EXOC4: variants seen among roughly 807,000 people sequenced by gnomAD.
EXOC4 encodes the protein exocyst complex component 4.
In EXOC4, 71 loss-of-function variants were observed where a neutral mutation model predicts 107.2. The ratio of observed to expected loss-of-function variants is 0.66; its 90% confidence interval spans 0.55 to 0.81. The LOEUF (loss-of-function observed/expected upper bound fraction) is 0.81, where lower values mean the gene tolerates loss of function less well. Among genes scored for constraint, EXOC4 ranks in the 30% least tolerant of loss-of-function variants. The pLI, the probability that EXOC4 is intolerant of heterozygous loss-of-function variation, is 0.00. For missense variants in EXOC4, 1,108 were observed against 1,189.6 expected (o/e 0.93, Z 1.01); for synonymous variants, 456 against 441.2 (o/e 1.03, Z -0.42).
chr7:133,493,728 A>G (rs1236142993), intron 9 of EXOC4, among the ~76,000 whole-genome samples: 1 of 152,068 alleles, frequency 6.6e-6, no homozygotes, highest in Non-Finnish European at 1.5e-5. Context: ...TTTACCTCAG[A>G]GATTGTCCCA....
chr7:133,861,676 G>C (rs1798536630), intron 11 of EXOC4, among the ~76,000 whole-genome samples: 1 of 152,122 alleles, frequency 6.6e-6, no homozygotes, highest in African/African-American at 2.4e-5. Flanking sequence ...TGGGGTTACA[G>C]GAGCCCGCCA....
intron 7 of EXOC4, among the ~76,000 whole-genome samples, chr7:133,380,573 A>G (rs1289608868): frequency 6.6e-6 from 1 of 152,100 alleles, no homozygotes; most frequent in Non-Finnish European, 1.5e-5. Flanking sequence ...CTTTTTGGAA[A>G]TGACTTATTT....
chr7:133,721,318 C>G (rs1385102333), intron 10 of EXOC4, among the ~76,000 whole-genome samples: 1 of 152,116 alleles, frequency 6.6e-6, no homozygotes, highest in Admixed American at 6.5e-5. Flanking sequence ...TTGAGTGTTA[C>G]CTGTTTGAGA....
At chr7:134,013,859 G>T (rs1204822899) in intron 17 of EXOC4, among the ~76,000 whole-genome samples, 2 of 152,090 alleles carry the variant, frequency 1.3e-5, no homozygotes, top group Non-Finnish European at 2.9e-5. Flanking sequence ...CAGCAGGATT[G>T]CTGTAACAAT....
At chr7:133,618,174 C>T (rs908600537) in intron 9 of EXOC4, among the ~76,000 whole-genome samples, 1 of 151,898 alleles carries the variant, frequency 6.6e-6, no homozygotes, top group Non-Finnish European at 1.5e-5. Flanking sequence ...ATACCTTTTT[C>T]TTGCTTTATT....
At chr7:133,778,194 GCTTAT>G (rs1374313592) in intron 10 of EXOC4, among the ~76,000 whole-genome samples, 1 of 152,134 alleles carries the variant, frequency 6.6e-6, no homozygotes, top group Non-Finnish European at 1.5e-5. Context: ...ATCTCTTGAT[GCTTAT>G]CTTAGGGGGG....
Position 133,983,430 on chromosome 7 carries a change from A to G in EXOC4, c.2207-14062A>G, listed in dbSNP as rs75840074. 6.3e-3 allele frequency among the ~76,000 whole-genome samples: 962 copies of G among 152,224 alleles called. 7 individuals are homozygous for G. Among genetic ancestry groups the G allele is most frequent in the South Asian group, 0.022 (108 of 4,820 alleles). ...CTGGAAAAAGTTAAGTTGAAGAGGA[A>G]CTCCATATGGGACTTCCAATTCAAC... On this transcript the variant is annotated intron_variant, in intron 14 of 17. Coordinates refer to ENST00000253861, the MANE Select transcript of EXOC4 (RefSeq NM_021807.4).
intron 7 of EXOC4, among the ~76,000 whole-genome samples, chr7:133,469,499 C>T (rs1011820823): frequency 6.6e-6 from 1 of 152,082 alleles, no homozygotes; most frequent in African/African-American, 2.4e-5. Context: ...TTTGTGCAAA[C>T]CACTACTCCT....
At chr7:133,474,639 G>A (rs957270794) in intron 7 of EXOC4, among the ~76,000 whole-genome samples, 2 of 152,050 alleles carry the variant, frequency 1.3e-5, no homozygotes, top group African/African-American at 2.4e-5. Flanking sequence ...AAAAGCAGCT[G>A]CTTTTCTTGT....
At chr7:133,281,668 C>G (rs1056912393) in intron 2 of EXOC4, among the ~76,000 whole-genome samples, 4 of 149,416 alleles carry the variant, frequency 2.7e-5, no homozygotes, top group Non-Finnish European at 5.9e-5. Flanking sequence ...CCTTCTTTAT[C>G]TTTTCCTTGA....
chr7:133,574,659 G>T (rs1801090667), intron 9 of EXOC4, among the ~76,000 whole-genome samples: 1 of 152,114 alleles, frequency 6.6e-6, no homozygotes, highest in Admixed American at 6.5e-5. Context: ...GAAGCTCGTG[G>T]TCAGCATGAC....
chr7:133,698,550 C>A (rs1251355721), intron 10 of EXOC4, among the ~76,000 whole-genome samples: 7 of 143,416 alleles, frequency 4.9e-5, no homozygotes, highest in Non-Finnish European at 1.5e-5. Context: ...CCACGGCACT[C>A]CAGCACAGAC....
At chr7:133,990,809 T>C (rs1794237823) in intron 14 of EXOC4, among the ~76,000 whole-genome samples, 1 of 152,120 alleles carries the variant, frequency 6.6e-6, no homozygotes, top group Admixed American at 6.6e-5. Context: ...TCTACCACAT[T>C]TTCTTCCACC....
intron 10 of EXOC4, among the ~76,000 whole-genome samples, chr7:133,761,948 A>G (rs1796041314): frequency 6.6e-6 from 1 of 152,182 alleles, no homozygotes; most frequent in African/African-American, 2.4e-5. Flanking sequence ...AGAAATGAGA[A>G]GATGGCACGT....
intron 10 of EXOC4, among the ~76,000 whole-genome samples, chr7:133,695,698 G>GATA (rs1794518597): frequency 6.6e-6 from 1 of 152,126 alleles, no homozygotes; most frequent in African/African-American, 2.4e-5. Flanking sequence ...AGTCTGTATT[G>GATA]ATAATTGTTG....
At chr7:133,379,738 C>T (rs1486327437) in intron 7 of EXOC4, among the ~76,000 whole-genome samples, 1 of 151,818 alleles carries the variant, frequency 6.6e-6, no homozygotes, top group Admixed American at 6.6e-5. Context: ...TAGAATACTA[C>T]CATGAGGAAT....
At chr7:133,758,451 C>T (rs1315005357) in intron 10 of EXOC4, among the ~76,000 whole-genome samples, 3 of 152,098 alleles carry the variant, frequency 2.0e-5, no homozygotes, top group Non-Finnish European at 4.4e-5. Context: ...TAGTTTATTC[C>T]TTGAATTGAA....
intron 9 of EXOC4, among the ~76,000 whole-genome samples, chr7:133,596,001 T>C (rs1375873564): frequency 2.6e-5 from 4 of 152,172 alleles, no homozygotes; most frequent in Non-Finnish European, 5.9e-5. Flanking sequence ...CCCCACCTTT[T>C]CCCCACACTC....
intron 10 of EXOC4, among the ~76,000 whole-genome samples, chr7:133,811,690 A>G (rs533103963): frequency 6.6e-6 from 1 of 152,346 alleles, no homozygotes; most frequent in African/African-American, 2.4e-5. Flanking sequence ...TATTGCACAA[A>G]ATATAAAACA....
Sources: allele counts gnomAD v4.1 joint callset (sites outside exome capture counted in the v4.1 genomes callset), GRCh38; gene constraint gnomAD v4.1.1; transcripts MANE v1.5; gene names NCBI Gene and HGNC (gene_info 2026-07-23, HGNC 2026-07-21).